The following ANTXR1 variants were observed in gnomAD, a reference collection of about 807,000 sequenced individuals.
The protein encoded by ANTXR1 is ANTXR cell adhesion molecule 1, also known as anthrax toxin receptor 1.
Under a neutral mutation model 78.1 loss-of-function variants are expected in ANTXR1, and 19 were observed. The observed-to-expected ratio is 0.24, with a 90% confidence interval of 0.17 to 0.36. The LOEUF (loss-of-function observed/expected upper bound fraction) is 0.36, where lower values mean the gene tolerates loss of function less well. Among genes scored for constraint, ANTXR1 ranks in the 10% least tolerant of loss-of-function variants. The pLI is 1.00. For synonymous variants in ANTXR1, 273 were observed against 260.5 expected, an observed-to-expected ratio of 1.05 and a Z score of -0.46; for missense variants, 518 against 718.6, an observed-to-expected ratio of 0.72 and a Z score of 3.19.
intron 17 of ANTXR1, among the ~76,000 whole-genome samples, chr2:69,229,172 C>A (rs1675531047): frequency 6.6e-6 from 1 of 152,206 alleles, no homozygotes; most frequent in South Asian, 2.1e-4. Flanking sequence ...GAGGCTTCAA[C>A]ACATGGATTT....
chr2:69,102,792 C>A, intron 9 of ANTXR1, 50 bp from the exon 10 acceptor site: 2 of 1,545,404 alleles, frequency 1.3e-6, no homozygotes, highest in Non-Finnish European at 1.8e-6. Context: ...AGATGCGAAG[C>A]TTAAGGTTAT....
At chr2:69,035,236 G>A (rs1352724852) in intron 1 of ANTXR1, among the ~76,000 whole-genome samples, 1 of 152,164 alleles carries the variant, frequency 6.6e-6, no homozygotes, top group Non-Finnish European at 1.5e-5. Flanking sequence ...TGGTGGTGAG[G>A]CAGGGGAGAG....
intron 10 of ANTXR1, among the ~76,000 whole-genome samples, chr2:69,112,576 A>G (rs571287191): frequency 9.3e-4 from 142 of 152,334 alleles, no homozygotes; most frequent in African/African-American, 3.3e-3. Flanking sequence ...ACATTAGTAG[A>G]GAAGTCAAGA....
rs558634252 is a variant in ANTXR1, at chr2:69,176,663, C to T, written c.1090-5123C>T. On this transcript the variant is annotated intron_variant, in intron 14 of 17. Coordinates refer to ENST00000303714, the MANE Select transcript of ANTXR1 (RefSeq NM_032208.3). ...ACTGTGCTGGCAGGTGATGGGGACTCAATGATAGTTGCTTGAGTTAGTGAA... is the reference window on the plus strand; with the variant it reads ...ACTGTGCTGGCAGGTGATGGGGACTTAATGATAGTTGCTTGAGTTAGTGAA... 3.9e-5 allele frequency among the ~76,000 whole-genome samples: 6 copies of T among 152,284 alleles called. No individual in the cohort carries two copies. In the East Asian group the frequency reaches 1.2e-3, roughly 29 times the overall value.
intron 17 of ANTXR1, among the ~76,000 whole-genome samples, chr2:69,218,159 T>A (rs1226268838): frequency 2.0e-5 from 3 of 152,182 alleles, no homozygotes; most frequent in Non-Finnish European, 4.4e-5. Context: ...CAGTTCATTC[T>A]CCTGGCCCTC....
At chr2:69,243,971 G>T (rs997731017) in intron 17 of ANTXR1, among the ~76,000 whole-genome samples, 2 of 152,240 alleles carry the variant, frequency 1.3e-5, no homozygotes, top group African/African-American at 4.8e-5. Flanking sequence ...CCTCAGAGGG[G>T]TGGGTACCCA....
chr2:69,241,796 G>A (rs1675900472), intron 17 of ANTXR1, among the ~76,000 whole-genome samples: 1 of 152,134 alleles, frequency 6.6e-6, no homozygotes, highest in Non-Finnish European at 1.5e-5. Context: ...GATTGTGTCT[G>A]CGCATCCCCA....
chr2:69,075,117 T>C lies in ANTXR1; in HGVS notation c.493-473T>C, dbSNP rs191626459. ...ATGAGTATCTACGTGGTTCTAGCCTTGTGTGAGGAGCTCTGTAAATGTTCT... is the reference window on the plus strand; with the variant it reads ...ATGAGTATCTACGTGGTTCTAGCCTCGTGTGAGGAGCTCTGTAAATGTTCT... On this transcript the variant is annotated intron_variant, in intron 6 of 17. Coordinates refer to ENST00000303714, the MANE Select transcript of ANTXR1 (RefSeq NM_032208.3). Among the ~76,000 whole-genome samples, 941 of 152,310 alleles carry C rather than the reference T, an allele frequency of 6.2e-3. 10 individuals carry two copies. Among genetic ancestry groups the C allele is most frequent in the African/African-American group, 0.022 (897 of 41,576 alleles).
rs184430007 is a variant in ANTXR1, at chr2:69,020,304, G to A, written c.152+6653G>A. Among the ~76,000 whole-genome samples, 47 of 152,288 alleles carry A rather than the reference G, an allele frequency of 3.1e-4. No individual in the cohort carries two copies. The East Asian group carries it at 7.0e-3, about 23-fold the overall frequency. ...CTAATTAAGTTCCACATTTGGAGAA[G>A]GCCTTTGAGGCCAGGCAAGAGTTGG... On this transcript the variant is annotated intron_variant, in intron 1 of 17. Transcript: ENST00000303714.
chr2:69,115,771 T>A lies in ANTXR1; in HGVS notation c.803-7246T>A, dbSNP rs184612714. Among the ~76,000 whole-genome samples the A allele has an allele frequency of 2.0e-5, 3 of 152,312 alleles. No individual in the cohort carries two copies. In the East Asian group the frequency reaches 5.8e-4, roughly 29 times the overall value. ...GCCCATCCCCTGATCTCATGGCAACTAGCCAGGGAGGGCTTCCAAGGAAAC... is the reference window on the plus strand; with the variant it reads ...GCCCATCCCCTGATCTCATGGCAACAAGCCAGGGAGGGCTTCCAAGGAAAC... On this transcript the variant is annotated intron_variant, in intron 10 of 17. Transcript: ENST00000303714.
intron 1 of ANTXR1, among the ~76,000 whole-genome samples, chr2:69,021,133 G>A (rs1460558043): frequency 6.6e-6 from 1 of 152,152 alleles, no homozygotes; most frequent in African/African-American, 2.4e-5. Context: ...AGACGCTATA[G>A]TAAACACTTT....
Position 69,181,827 on chromosome 2 carries a change from G to A in ANTXR1, c.1131G>A (p.Thr377=), listed in dbSNP as rs111544315. The change falls in exon 15 of 18, where the codon ACG becomes ACA. Residue 377 remains threonine, a synonymous_variant. Coordinates refer to ENST00000303714, the MANE Select transcript of ANTXR1 (RefSeq NM_032208.3). ...DDGLPKKKWP[T]VDASYYGGRG... Reference sequence around the variant, plus strand: ...GTCTGCCTAAGAAAAAGTGGCCAACGGTAGACGCCTCTTATTATGGTGGGA... The same window carrying A: ...GTCTGCCTAAGAAAAAGTGGCCAACAGTAGACGCCTCTTATTATGGTGGGA... The A allele has an allele frequency of 1.1e-4, 173 of 1,614,122 alleles. 1 individual carries two copies. Among genetic ancestry groups the A allele is most frequent in the African/African-American group, 5.1e-4 (38 of 75,042 alleles).
At chr2:69,066,217 A>G (rs953069790) in intron 3 of ANTXR1, among the ~76,000 whole-genome samples, 5 of 152,230 alleles carry the variant, frequency 3.3e-5, no homozygotes, top group African/African-American at 1.2e-4. Flanking sequence ...TGGAAACCTC[A>G]GTAGAATACT....
chr2:69,141,739 T>C (rs1338928646), intron 12 of ANTXR1, among the ~76,000 whole-genome samples: 2 of 152,260 alleles, frequency 1.3e-5, no homozygotes, highest in East Asian at 1.9e-4. Context: ...TTGACTTTCA[T>C]GTCATCATCC....
rs1164364257 is a variant in ANTXR1 at position 69,077,601 on chromosome 2, C to T, written c.642+113C>T. ...CCTGGTGTTTTTCTGCTTAAGAGAA[C>T]ATCATTTCTTCCTATATCTTTGTGT... On this transcript the variant is annotated intron_variant, in intron 8 of 17. Coordinates refer to ENST00000303714, the MANE Select transcript of ANTXR1 (RefSeq NM_032208.3). 5.3e-6 allele frequency: 6 copies of T among 1,121,604 alleles called. No individual in the cohort carries two copies. The East Asian group carries it at 1.4e-4, about 27-fold the overall frequency. The allele number at this position is 1,121,604 out of a possible 1,614,324, so 69.5% of individuals were successfully genotyped here.
chr2:69,245,045 C>A (rs1216046645), intron 17 of ANTXR1, among the ~76,000 whole-genome samples, 180 bp from the exon 18 acceptor site: 1 of 152,066 alleles, frequency 6.6e-6, no homozygotes, highest in Admixed American at 6.6e-5. Context: ...TTTTGCAACA[C>A]AGTCCAGGAA....
intron 13 of ANTXR1, among the ~76,000 whole-genome samples, chr2:69,169,742 A>G (rs1286638240): frequency 3.9e-5 from 6 of 152,242 alleles, no homozygotes; most frequent in Non-Finnish European, 8.8e-5. Context: ...TGGGCAGCAC[A>G]TCCACCCTGC....
At chr2:69,219,384 G>GACAC (rs377200577) in intron 17 of ANTXR1, among the ~76,000 whole-genome samples, 1,571 of 132,304 alleles carry the variant, frequency 0.012, 21 homozygotes, top group South Asian at 0.025. Flanking sequence ...CCAGAAGGAG[G>GACAC]ACACACACAC....
At chr2:69,163,476 G>T (rs1419918920) in intron 13 of ANTXR1, among the ~76,000 whole-genome samples, 1 of 151,974 alleles carries the variant, frequency 6.6e-6, no homozygotes, top group Non-Finnish European at 1.5e-5. Context: ...CCTTTCTTTG[G>T]TTTTTCAGCA....
Sources: gnomAD v4.1 joint callset for allele counts (sites outside exome capture counted in the v4.1 genomes callset) on GRCh38, gnomAD v4.1.1 for gene constraint, MANE v1.5 for transcripts, NCBI Gene and HGNC (gene_info 2026-07-23, HGNC 2026-07-21) for gene names.